NEGR1: variants seen among roughly 807,000 people sequenced by gnomAD.
The protein encoded by NEGR1 is neuronal growth regulator 1.
Under a neutral mutation model 40.9 loss-of-function variants are expected in NEGR1, and 10 were observed. That is an observed-to-expected ratio of 0.24 (90% CI 0.15 to 0.42). The LOEUF (loss-of-function observed/expected upper bound fraction) is 0.42. Among genes scored for constraint, NEGR1 ranks in the 10% least tolerant of loss-of-function variants. NEGR1 has a pLI of 1.00. For missense variants in NEGR1, 352 were observed against 438.9 expected (o/e 0.80, Z 1.77); for synonymous variants, 185 against 166.8 (o/e 1.11, Z -0.84).
chr1:71,994,293 C>G (rs1476288499), intron 1 of NEGR1, among the ~76,000 whole-genome samples: 4 of 152,060 alleles, frequency 2.6e-5, no homozygotes, highest in African/African-American at 4.8e-5. Context: ...CTTTGGGAGG[C>G]CGAGGCGGGT....
chr1:72,228,574 T>C (rs1311288012), intron 1 of NEGR1, among the ~76,000 whole-genome samples: 2 of 152,148 alleles, frequency 1.3e-5, no homozygotes, highest in African/African-American at 2.4e-5. Context: ...TCTGTTTCTA[T>C]GGAGAACCCT....
intron 2 of NEGR1, among the ~76,000 whole-genome samples, chr1:71,917,372 C>T (rs1158363723): frequency 6.6e-6 from 1 of 152,132 alleles, no homozygotes; most frequent in African/African-American, 2.4e-5. Context: ...TGATTAACTC[C>T]ATATTTTAAG....
chr1:71,945,045 G>T (rs942383349), intron 1 of NEGR1, among the ~76,000 whole-genome samples: 1 of 152,032 alleles, frequency 6.6e-6, no homozygotes. Flanking sequence ...AAGATGTTAA[G>T]TTAAAAATAG....
intron 1 of NEGR1, among the ~76,000 whole-genome samples, chr1:72,200,207 G>C (rs1653154179): frequency 1.3e-5 from 2 of 151,846 alleles, no homozygotes; most frequent in Admixed American, 1.3e-4. Flanking sequence ...CCACCAAAAA[G>C]TCACATGCAC....
chr1:71,467,364 T>C (rs1217456810), intron 6 of NEGR1, among the ~76,000 whole-genome samples: 1 of 152,102 alleles, frequency 6.6e-6, no homozygotes, highest in Non-Finnish European at 1.5e-5. Context: ...CCAGAAATTA[T>C]GTAATCTGCG....
At chr1:71,964,707 C>T (rs1646196095) in intron 1 of NEGR1, among the ~76,000 whole-genome samples, 1 of 152,014 alleles carries the variant, frequency 6.6e-6, no homozygotes, top group Non-Finnish European at 1.5e-5. Flanking sequence ...ACTATGTTTG[C>T]AGTATTTTGT....
intron 1 of NEGR1, among the ~76,000 whole-genome samples, chr1:71,950,659 G>A (rs933068649): frequency 3.3e-5 from 5 of 151,894 alleles, no homozygotes; most frequent in Non-Finnish European, 5.9e-5. Flanking sequence ...AAGCAGCCAA[G>A]CAAGTTAGTT....
intron 3 of NEGR1, among the ~76,000 whole-genome samples, chr1:71,774,531 A>G (rs1214528725): frequency 2.6e-5 from 4 of 152,220 alleles, no homozygotes; most frequent in African/African-American, 9.6e-5. Flanking sequence ...TGCATAAATG[A>G]GTAAACTGAA....
intron 2 of NEGR1, among the ~76,000 whole-genome samples, chr1:71,793,119 A>G (rs1657175189): frequency 6.7e-6 from 1 of 148,302 alleles, no homozygotes; most frequent in Non-Finnish European, 1.5e-5. Flanking sequence ...CATAAATGAA[A>G]AGTAGAATAG....
At chr1:71,807,693 T>C (rs915214200) in intron 2 of NEGR1, among the ~76,000 whole-genome samples, 1 of 152,146 alleles carries the variant, frequency 6.6e-6, no homozygotes, top group African/African-American at 2.4e-5. Flanking sequence ...AAATCAACAT[T>C]TCAACCTAAA....
intron 2 of NEGR1, among the ~76,000 whole-genome samples, chr1:71,822,613 A>C (rs1658472828): frequency 6.6e-6 from 1 of 151,950 alleles, no homozygotes; most frequent in Admixed American, 6.6e-5. Context: ...AGGAGACTGG[A>C]CACATGAGGG....
chr1:72,067,328 G>T (rs964783209), intron 1 of NEGR1, among the ~76,000 whole-genome samples: 1 of 151,878 alleles, frequency 6.6e-6, no homozygotes, highest in Admixed American at 6.6e-5. Flanking sequence ...TGCTCAAACT[G>T]GTTTGTAAAA....
chr1:71,572,676 A>G (rs936382285), intron 6 of NEGR1, among the ~76,000 whole-genome samples: 2 of 152,138 alleles, frequency 1.3e-5, no homozygotes, highest in African/African-American at 2.4e-5. Flanking sequence ...CTATGTGTTC[A>G]AGTTTATTTT....
intron 4 of NEGR1, among the ~76,000 whole-genome samples, chr1:71,652,781 T>C (rs1242200874): frequency 6.6e-6 from 1 of 151,996 alleles, no homozygotes; most frequent in East Asian, 1.9e-4. Context: ...GGAGGATCGT[T>C]TGAGCCCAGT....
intron 2 of NEGR1, among the ~76,000 whole-genome samples, chr1:71,894,257 G>C (rs918902214): frequency 8.2e-6 from 1 of 121,708 alleles, no homozygotes; most frequent in Admixed American, 7.6e-5. Flanking sequence ...AAAAAAGAAT[G>C]GAGAAGTCAA....
intron 6 of NEGR1, among the ~76,000 whole-genome samples, chr1:71,529,644 T>C (rs1647296256): frequency 1.3e-5 from 2 of 151,212 alleles, no homozygotes; most frequent in African/African-American, 4.8e-5. Flanking sequence ...ATGATTTATG[T>C]CATTGAATAA....
intron 2 of NEGR1, among the ~76,000 whole-genome samples, chr1:71,868,980 GGAAT>G (rs1238440178): frequency 6.6e-6 from 1 of 151,976 alleles, no homozygotes; most frequent in East Asian, 1.9e-4. Context: ...ATTTCTCCTA[GGAAT>G]ACATCATCAA....
chr1:71,681,525 T>C (rs1652838214), intron 4 of NEGR1, among the ~76,000 whole-genome samples: 2 of 152,192 alleles, frequency 1.3e-5, no homozygotes, highest in African/African-American at 4.8e-5. Context: ...TGTTTTGACA[T>C]TGCTTTTTCT....
chr1:71,840,305 A>G (rs1659193337), intron 2 of NEGR1, among the ~76,000 whole-genome samples: 2 of 152,122 alleles, frequency 1.3e-5, no homozygotes, highest in Admixed American at 1.3e-4. Context: ...GTTCAGAATT[A>G]CCACATCATT....
Sources: allele counts gnomAD v4.1 joint callset (sites outside exome capture counted in the v4.1 genomes callset), GRCh38; gene constraint gnomAD v4.1.1; transcripts MANE v1.5; gene names NCBI Gene and HGNC (gene_info 2026-07-23, HGNC 2026-07-21).